The following PHACTR2 variants were observed in gnomAD, a reference collection of about 807,000 sequenced individuals.
PHACTR2 encodes the protein phosphatase and actin regulator 2.
PHACTR2 carries 30 observed loss-of-function variants against 76.0 expected under a neutral mutation model. That is an observed-to-expected ratio of 0.39 (90% CI 0.30 to 0.54). The LOEUF (loss-of-function observed/expected upper bound fraction) is 0.54, where lower values mean the gene tolerates loss of function less well. PHACTR2 is among the 20% of genes least tolerant of loss of function. PHACTR2 has a pLI of 0.61. For missense variants in PHACTR2, 696 were observed against 781.1 expected (o/e 0.89, Z 1.30); for synonymous variants, 292 against 292.5 (o/e 1.00, Z 0.02).
rs1287520461 is a variant in PHACTR2 at position 143,658,977 on chromosome 6, T to C, written c.13+50655T>C. ...AGGTGGAGGCTGAAGTGAGCTGAGATCATGCCACTGCACTCCAGCCTGGGC... is the reference window on the plus strand; with the variant it reads ...AGGTGGAGGCTGAAGTGAGCTGAGACCATGCCACTGCACTCCAGCCTGGGC... On this transcript the variant is annotated intron_variant, in intron 1 of 11. Transcript: ENST00000305766. This position sits in a 1 kb window ranked among gnomAD's most constrained non-coding sequence, Gnocchi z 4.1. 6.7e-6 allele frequency among the ~76,000 whole-genome samples: 1 copy of C among 149,838 alleles called. No homozygotes were observed. Among genetic ancestry groups the C allele is most frequent in the Non-Finnish European group, 1.5e-5 (1 of 67,754 alleles).
upstream of PHACTR2, among the ~76,000 whole-genome samples, chr6:143,675,507 C>T (rs1777230721): frequency 6.6e-6 from 1 of 152,150 alleles, no homozygotes; most frequent in African/African-American, 2.4e-5. The surrounding 1 kb of genome is among the most constrained non-coding windows in gnomAD (Gnocchi z 4.9). Context: ...GTATTTACAT[C>T]ACAGTAAACA....
At chr6:143,711,710 T>C in intron 1 of PHACTR2, 1 of 556,686 alleles carries the variant, frequency 1.8e-6, no homozygotes, top group Non-Finnish European at 3.5e-6. Flanking sequence ...AAAATATTGA[T>C]GGGGTTGTTG....
chr6:143,691,699 C>T (rs1182510598), intron 1 of PHACTR2, among the ~76,000 whole-genome samples: 1 of 152,122 alleles, frequency 6.6e-6, no homozygotes, highest in East Asian at 1.9e-4. Context: ...TCTGGGGTTG[C>T]TGCATACTAA....
intron 2 of PHACTR2, among the ~76,000 whole-genome samples, chr6:143,726,372 T>C (rs974168669): frequency 6.6e-6 from 1 of 152,226 alleles, no homozygotes; most frequent in Non-Finnish European, 1.5e-5. Flanking sequence ...GTTCTATGAA[T>C]AGATCTCCGG....
intron 2 of PHACTR2, among the ~76,000 whole-genome samples, chr6:143,719,850 T>G (rs1201672555): frequency 8.2e-6 from 1 of 122,336 alleles, no homozygotes; most frequent in African/African-American, 3.3e-5. Flanking sequence ...AGTCTCACTC[T>G]CGCCCAGGCT....
intron 1 of PHACTR2, among the ~76,000 whole-genome samples, chr6:143,655,812 G>A (rs181793249): frequency 1.2e-3 from 177 of 152,148 alleles, no homozygotes; most frequent in Non-Finnish European, 1.9e-3. Context: ...AAAGTTCTTC[G>A]GAATTTTTAG....
At chr6:143,609,544 T>C (rs1368788189) in intron 1 of PHACTR2, among the ~76,000 whole-genome samples, 3 of 152,096 alleles carry the variant, frequency 2.0e-5, no homozygotes, top group African/African-American at 7.2e-5. Context: ...AAAAATGTAC[T>C]ATAGGGCTTG....
intron 6 of PHACTR2, among the ~76,000 whole-genome samples, chr6:143,768,358 G>A (rs1333896909): frequency 1.3e-5 from 2 of 152,172 alleles, no homozygotes; most frequent in African/African-American, 2.4e-5. Flanking sequence ...GGATACAAAA[G>A]TGAGCAAGGC....
chr6:143,810,819 G>C (rs1243341119), intron 12 of PHACTR2, among the ~76,000 whole-genome samples: 1 of 150,772 alleles, frequency 6.6e-6, no homozygotes, highest in Non-Finnish European at 1.5e-5. Flanking sequence ...GTGACAAAGT[G>C]AGACCCTGTC....
intron 2 of PHACTR2, among the ~76,000 whole-genome samples, chr6:143,727,724 T>C (rs550495854): frequency 4.1e-5 from 5 of 121,284 alleles, no homozygotes; most frequent in African/African-American, 1.6e-4. Flanking sequence ...TTTTTTCATA[T>C]ACCTGTTTGC....
chr6:143,717,296 CTT>C (rs1021475687), intron 2 of PHACTR2, among the ~76,000 whole-genome samples: 2 of 152,172 alleles, frequency 1.3e-5, no homozygotes, highest in Non-Finnish European at 2.9e-5. Context: ...ATATTCTTGA[CTT>C]TGATTCAGCA....
rs532275864 is a variant in PHACTR2, at chr6:143,705,116, C to T, written c.47-6900C>T. On this transcript the variant is annotated intron_variant, in intron 1 of 12. Coordinates refer to ENST00000440869, the MANE Select transcript of PHACTR2 (RefSeq NM_001100164.2). Reference sequence around the variant, plus strand: ...CTGGGATTACAGGCGTGAGCCACCGCGCCCGGCCTTGTTTTATTTTTGAGA... The same window carrying T: ...CTGGGATTACAGGCGTGAGCCACCGTGCCCGGCCTTGTTTTATTTTTGAGA... Among the ~76,000 whole-genome samples the T allele has an allele frequency of 2.1e-4, 31 of 148,718 alleles. No homozygotes were observed. The East Asian group carries it at 2.5e-3, about 12-fold the overall frequency.
chr6:143,796,681 A>C (rs1450390238), intron 11 of PHACTR2, among the ~76,000 whole-genome samples: 1 of 151,410 alleles, frequency 6.6e-6, no homozygotes. Context: ...TGATCTTGTG[A>C]TAGTTTGCTG....
chr6:143,604,891 C>CAAA (rs370249476), upstream of PHACTR2, among the ~76,000 whole-genome samples: 1,347 of 132,204 alleles, frequency 0.01, 21 homozygotes, highest in East Asian at 0.1. Context: ...GACTCCGTCT[C>CAAA]AAAAAAAAAA....
Position 143,772,696 on chromosome 6 carries a change from G to A in PHACTR2, c.1432+239G>A, listed in dbSNP as rs1775184944. Among the ~76,000 whole-genome samples the A allele has an allele frequency of 6.6e-6, 1 of 152,126 alleles. No homozygotes were observed. The highest frequency in any genetic ancestry group is 1.9e-4 in the East Asian group (1 of 5,186). On this transcript the variant is annotated intron_variant, in intron 7 of 12. Coordinates refer to ENST00000440869, the MANE Select transcript of PHACTR2 (RefSeq NM_001100164.2). The surrounding 1 kb of genome is among the most constrained non-coding windows in gnomAD (Gnocchi z 5.4). ...TGTCGATGAGCTAGATGAGCTAGAT[G>A]TGCTAGATGTGCATATTAGTATTTG... is the stretch of plus-strand genomic sequence containing the variant.
At chr6:143,613,977 C>CT (rs747363761) in intron 1 of PHACTR2, among the ~76,000 whole-genome samples, 1 of 152,168 alleles carries the variant, frequency 6.6e-6, no homozygotes, top group Non-Finnish European at 1.5e-5. Flanking sequence ...GATCTCAGCA[C>CT]TTGGGGAGGC....
rs1776116849 is a variant in PHACTR2, at chr6:143,619,617, A to G, written c.13+11295A>G. The stretch of plus-strand genomic sequence containing the variant: ...TTTCTCTTCCTCCACTTACTGTGGA[A>G]AGGGACTCGGTAGCTTTTGTATCAT... On this transcript the variant is annotated intron_variant, in intron 1 of 11. Coordinates refer to the PHACTR2 transcript ENST00000305766. The surrounding 1 kb of genome is among the most constrained non-coding windows in gnomAD (Gnocchi z 4.5). 6.6e-6 allele frequency among the ~76,000 whole-genome samples: 1 copy of G among 152,214 alleles called. No individual in the cohort carries two copies. Among genetic ancestry groups the G allele is most frequent in the African/African-American group, 2.4e-5 (1 of 41,454 alleles).
intron 1 of PHACTR2, among the ~76,000 whole-genome samples, chr6:143,559,720 TTTTTTTG>T (rs1440242775): frequency 6.9e-5 from 4 of 58,322 alleles, no homozygotes; most frequent in African/African-American, 1.6e-4. Flanking sequence ...TTTTTTTTTT[TTTTTTTG>T]GAGACAGAGT....
At chr6:143,706,599 A>G (rs906246349) in intron 1 of PHACTR2, among the ~76,000 whole-genome samples, 1 of 152,096 alleles carries the variant, frequency 6.6e-6, no homozygotes, top group African/African-American at 2.4e-5. Flanking sequence ...CCCAATATAC[A>G]TGTTCAGCAG....
Sources: gnomAD v4.1 joint callset for allele counts (sites outside exome capture counted in the v4.1 genomes callset) on GRCh38, gnomAD v4.1.1 for gene constraint, Gnocchi (gnomAD v3.1) non-coding constraint, MANE v1.5 for transcripts, NCBI Gene and HGNC (gene_info 2026-07-23, HGNC 2026-07-21) for gene names.